The following MYRIP variants were observed in gnomAD, a reference collection of about 807,000 sequenced individuals.
MYRIP encodes the protein rab effector MyRIP.
Under a neutral mutation model 98.0 loss-of-function variants are expected in MYRIP, and 49 were observed. That is an observed-to-expected ratio of 0.50 (90% CI 0.40 to 0.63). MYRIP has a LOEUF of 0.63. Ranked by LOEUF, MYRIP falls within the 30% of genes least tolerant of loss-of-function variation. The pLI is 0.00. For missense variants in MYRIP, 1,004 were observed against 1,058.2 expected (o/e 0.95, Z 0.71); for synonymous variants, 404 against 409.5 (o/e 0.99, Z 0.16).
chr3:40,136,320 A>G (rs1260248745), intron 3 of MYRIP, among the ~76,000 whole-genome samples: 2 of 152,118 alleles, frequency 1.3e-5, no homozygotes, highest in African/African-American at 4.8e-5. Flanking sequence ...GATCAATTCA[A>G]CAAGAAGAAC....
At chr3:40,101,356 CT>C (rs1221150823) in intron 3 of MYRIP, among the ~76,000 whole-genome samples, 1 of 152,154 alleles carries the variant, frequency 6.6e-6, no homozygotes, top group Non-Finnish European at 1.5e-5. Flanking sequence ...TTTCTAGGCT[CT>C]TTCCTTTGGT....
At chr3:39,962,189 C>T (rs1381136285) in intron 2 of MYRIP, among the ~76,000 whole-genome samples, 1 of 152,046 alleles carries the variant, frequency 6.6e-6, no homozygotes, top group Non-Finnish European at 1.5e-5. Flanking sequence ...AATAATACCA[C>T]CTATCTCCAG....
chr3:40,045,842 TG>T (rs1476562486), intron 3 of MYRIP, among the ~76,000 whole-genome samples: 7 of 151,964 alleles, frequency 4.6e-5, no homozygotes, highest in African/African-American at 1.7e-4. Flanking sequence ...AGACAGAATC[TG>T]GATAGTAAGG....
chr3:40,171,645 C>T (rs964456954), intron 8 of MYRIP, among the ~76,000 whole-genome samples: 8 of 152,218 alleles, frequency 5.3e-5, no homozygotes, highest in African/African-American at 1.9e-4. Flanking sequence ...TCTGGACTTG[C>T]CCTTGACTAG....
chr3:39,865,668 AAAT>A (rs1942599352), intron 1 of MYRIP, among the ~76,000 whole-genome samples: 1 of 152,194 alleles, frequency 6.6e-6, no homozygotes, highest in Non-Finnish European at 1.5e-5. Context: ...AAATGTCAAA[AAAT>A]AATAAATGCT....
At chr3:40,208,430 C>T (rs1159937898) in intron 10 of MYRIP, among the ~76,000 whole-genome samples, 1 of 152,208 alleles carries the variant, frequency 6.6e-6, no homozygotes, top group African/African-American at 2.4e-5. Flanking sequence ...CACTTCAACA[C>T]ACATCTGTCT....
intron 2 of MYRIP, among the ~76,000 whole-genome samples, chr3:39,915,966 C>T (rs1944148842): frequency 6.6e-6 from 1 of 151,976 alleles, no homozygotes; most frequent in Non-Finnish European, 1.5e-5. Context: ...AACACAATCT[C>T]TTCTTACAGT....
intron 2 of MYRIP, among the ~76,000 whole-genome samples, chr3:39,995,864 AG>A (rs1256256154): frequency 6.6e-6 from 1 of 152,226 alleles, no homozygotes; most frequent in Non-Finnish European, 1.5e-5. Context: ...AAGCCAGAAG[AG>A]AGTGGGGGCC....
intron 1 of MYRIP, among the ~76,000 whole-genome samples, chr3:39,829,032 A>T (rs1295703043): frequency 6.6e-6 from 1 of 152,170 alleles, no homozygotes; most frequent in Non-Finnish European, 1.5e-5. Context: ...TTCTACTTTT[A>T]GTTCTTTAAG....
intron 3 of MYRIP, among the ~76,000 whole-genome samples, chr3:40,143,155 C>T (rs1030401635): frequency 3.3e-5 from 5 of 152,192 alleles, no homozygotes; most frequent in East Asian, 1.9e-4. Flanking sequence ...CACCCCTATA[C>T]GTTTAACACA....
At chr3:39,881,057 T>A (rs1326191345) in intron 1 of MYRIP, among the ~76,000 whole-genome samples, 1 of 152,182 alleles carries the variant, frequency 6.6e-6, no homozygotes, top group Non-Finnish European at 1.5e-5. Flanking sequence ...TTATTTATTG[T>A]CATTATGTTT....
At chr3:40,117,754 C>T (rs1428869765) in intron 3 of MYRIP, among the ~76,000 whole-genome samples, 1 of 152,150 alleles carries the variant, frequency 6.6e-6, no homozygotes, top group Non-Finnish European at 1.5e-5. Context: ...AAATAAATAA[C>T]TTTAGACTCT....
chr3:39,948,118 GA>G (rs1365681730), intron 2 of MYRIP, among the ~76,000 whole-genome samples: 1 of 152,122 alleles, frequency 6.6e-6, no homozygotes, highest in Non-Finnish European at 1.5e-5. Context: ...TTTCTGGGGA[GA>G]GGGGTAATTA....
intron 2 of MYRIP, among the ~76,000 whole-genome samples, chr3:39,984,633 A>G (rs952258032): frequency 1.2e-4 from 18 of 152,030 alleles, no homozygotes; most frequent in African/African-American, 3.9e-4. Flanking sequence ...TCATTGTTGG[A>G]CATTTGGGTT....
intron 2 of MYRIP, among the ~76,000 whole-genome samples, chr3:40,021,639 A>G (rs1157152211): frequency 6.6e-6 from 1 of 152,232 alleles, no homozygotes; most frequent in Non-Finnish European, 1.5e-5. Context: ...GTGCCCAACA[A>G]CAGGAAGAAA....
intron 10 of MYRIP, among the ~76,000 whole-genome samples, chr3:40,201,876 A>G (rs190257740): frequency 6.6e-6 from 1 of 152,288 alleles, no homozygotes; most frequent in Non-Finnish European, 1.5e-5. Flanking sequence ...GGAAAAGGGA[A>G]AACTTCTACC....
At chr3:40,234,159 C>T in intron 12 of MYRIP, 106 bp downstream of exon 12, 1 of 1,114,236 alleles carries the variant, frequency 9.0e-7, no homozygotes. Context: ...CATACACACA[C>T]ACACCACTAC....
intron 10 of MYRIP, among the ~76,000 whole-genome samples, chr3:40,205,258 C>T (rs1559452772): frequency 6.6e-6 from 1 of 152,132 alleles, no homozygotes; most frequent in Admixed American, 6.5e-5. Context: ...AGATTCATCT[C>T]TAGAAACCCT....
Position 40,212,210 on chromosome 3 carries a change from G to A in MYRIP, c.1905+2117G>A, listed in dbSNP as rs1243457325. On this transcript the variant is annotated intron_variant, in intron 11 of 16. Coordinates refer to ENST00000302541, the MANE Select transcript of MYRIP (RefSeq NM_015460.4). Reference sequence around the variant, plus strand: ...TGTGTATATACATATATATACGTGTGTGTATATATATATATACACACACAC... The same window carrying A: ...TGTGTATATACATATATATACGTGTATGTATATATATATATACACACACAC... 2.7e-3 allele frequency among the ~76,000 whole-genome samples: 103 copies of A among 38,846 alleles called. 16 individuals are homozygous for A. The highest frequency in any genetic ancestry group is 5.9e-3 in the Non-Finnish European group (78 of 13,240). 25.5% of individuals were successfully genotyped at this position (38,846 alleles called of 152,430 possible).
Sources: allele counts gnomAD v4.1 joint callset (sites outside exome capture counted in the v4.1 genomes callset), GRCh38; gene constraint gnomAD v4.1.1; transcripts MANE v1.5; gene names NCBI Gene and HGNC (gene_info 2026-07-23, HGNC 2026-07-21).